The following NEK9 variants were observed in gnomAD, a reference collection of about 807,000 sequenced individuals.
NEK9 encodes NIMA related kinase 9.
Under a neutral mutation model 123.4 loss-of-function variants are expected in NEK9, and 75 were observed. The observed-to-expected ratio is 0.61, with a 90% CI of 0.50 to 0.74. The LOEUF is 0.74. Ranked by LOEUF, NEK9 falls within the 30% of genes least tolerant of loss-of-function variation. The pLI, the probability that NEK9 is intolerant of heterozygous loss-of-function variation, is 0.00. For missense variants in NEK9, 952 were observed against 1,214.4 expected, an observed-to-expected ratio of 0.78 and a Z score of 3.21; for synonymous variants, 438 against 458.7, an observed-to-expected ratio of 0.95 and a Z score of 0.58.
At chr14:75,124,267 C>A in intron 1 of NEK9, 44 bp from the exon 2 acceptor site, 11 of 1,574,812 alleles carry the variant, frequency 7.0e-6, no homozygotes, top group Non-Finnish European at 9.6e-6. Context: ...TCTTGCCTGG[C>A]AGCAAATGAA....
rs369505170 is a variant in NEK9, at chr14:75,121,233, G to A, written c.398-59C>T. 26 of 1,368,792 alleles carry A rather than the reference G, an allele frequency of 1.9e-5. No homozygotes were observed. The Middle Eastern group carries it at 1.3e-3, about 70-fold the overall frequency. The allele number at this position is 1,368,792 out of a possible 1,614,324, so 84.8% of individuals were successfully genotyped here. A position where few individuals can be genotyped will look rare whatever the true frequency, so the allele number is the denominator to read the frequency against. ...TAATACAGATCAAAGCTTGGCTCCTGTAACAGGTTTTTTTAGGTGACACAA... is the reference window on the plus strand; with the variant it reads ...TAATACAGATCAAAGCTTGGCTCCTATAACAGGTTTTTTTAGGTGACACAA... On this transcript the variant is annotated intron_variant, in intron 2 of 21. Coordinates refer to ENST00000238616, the MANE Select transcript of NEK9 (RefSeq NM_033116.6).
rs1894792013 is a variant in NEK9 at position 75,106,771 on chromosome 14, G to A, written c.1328-69C>T. On this transcript the variant is annotated intron_variant, in intron 11 of 21. Transcript: ENST00000238616. Reference sequence around the variant, plus strand: ...TTTTATCTAATCAGAAAGTTGGGCAGGGCTGGAATGAGGACTACCCCAGCA... The same window carrying A: ...TTTTATCTAATCAGAAAGTTGGGCAAGGCTGGAATGAGGACTACCCCAGCA... 2.3e-6 allele frequency: 3 copies of A among 1,294,002 alleles called. No individual in the cohort carries two copies. In the South Asian group the frequency reaches 4.1e-5, roughly 17 times the overall value. The allele number at this position is 1,294,002 out of a possible 1,614,324, so 80.2% of individuals were successfully genotyped here.
chr14:75,119,230 T>C (rs917997733), intron 4 of NEK9, among the ~76,000 whole-genome samples: 5 of 151,482 alleles, frequency 3.3e-5, no homozygotes, highest in African/African-American at 9.7e-5. Context: ...CGAGAATCAG[T>C]TGAGCCCAGG....
chr14:75,091,175 T>C (rs1010405141), intron 19 of NEK9, 95 bp downstream of exon 19: 1 of 1,006,804 alleles, frequency 9.9e-7, no homozygotes, highest in African/African-American at 1.6e-5. Flanking sequence ...AACAGTTTAC[T>C]AGGTACTTGG....
Position 75,091,468 on chromosome 14 carries a change from G to C in NEK9, c.2244C>G (p.Ser748Arg). 6.3e-7 allele frequency: 1 copy of C among 1,588,080 alleles called. No homozygotes were observed. Among genetic ancestry groups the C allele is most frequent in the African/African-American group, 1.3e-5 (1 of 74,512 alleles). The stretch of plus-strand genomic sequence containing the variant: ...CCCCGCCGCCTCCTCCCGGGCTAGA[G>C]CTCTGAAACACTGACAGATATACAG... ...SGLSIGTVFQ[S>R]SSPGGGGGGG... The change falls in exon 19 of 22, where the codon AGC (serine) becomes AGG (arginine). Residue 748 changes from serine to arginine, a missense_variant. By Grantham distance (110) the Ser-to-Arg change is moderately radical. Coordinates refer to ENST00000238616, the MANE Select transcript of NEK9 (RefSeq NM_033116.6).
chr14:75,100,489 G>A (rs974606513), intron 16 of NEK9, among the ~76,000 whole-genome samples: 9 of 152,120 alleles, frequency 5.9e-5, no homozygotes, highest in Non-Finnish European at 1.0e-4. Flanking sequence ...TCAGAGAAAA[G>A]AGAGGAGAAA....
At chr14:75,111,064 A>T (rs1260631049) in intron 8 of NEK9, among the ~76,000 whole-genome samples, 1 of 152,186 alleles carries the variant, frequency 6.6e-6, no homozygotes, top group Non-Finnish European at 1.5e-5. Context: ...ATTGCCAAAT[A>T]ACTCTTCCTT....
At chr14:75,124,364 T>A in intron 1 of NEK9, 141 bp from the exon 2 acceptor site, 1 of 650,516 alleles carries the variant, frequency 1.5e-6, no homozygotes, top group Non-Finnish European at 2.6e-6. Context: ...TAACAGACTT[T>A]AAAGGTTATG....
At position 75,085,572 on chromosome 14, in the gene NEK9, T is replaced by C. The variant is rs1282616273; in HGVS notation, c.2818-886A>G. 3.9e-5 allele frequency among the ~76,000 whole-genome samples: 6 copies of C among 152,208 alleles called. No individual in the cohort carries two copies. In the East Asian group the frequency reaches 1.2e-3, roughly 29 times the overall value. ...CTAAAAATGTTTAATGTGAATCTAA[T>C]CAAGCCTTAGGTTAAACTTCCAGTT... On this transcript the variant is annotated intron_variant, in intron 21 of 21. Coordinates refer to ENST00000238616, the MANE Select transcript of NEK9 (RefSeq NM_033116.6).
At chr14:75,124,816 T>C (rs1398286491) in intron 1 of NEK9, among the ~76,000 whole-genome samples, 3 of 151,292 alleles carry the variant, frequency 2.0e-5, no homozygotes, top group South Asian at 4.2e-4. Context: ...TCTCACTCTG[T>C]TGCCCAAACT....
chr14:75,093,863 G>C (rs1392371337), intron 18 of NEK9, among the ~76,000 whole-genome samples: 1 of 152,184 alleles, frequency 6.6e-6, no homozygotes. Flanking sequence ...CACTCCAATG[G>C]ATGGTTATAA....
chr14:75,086,516 T>C (rs1424045372), intron 21 of NEK9: 1 of 158,354 alleles, frequency 6.3e-6, no homozygotes, highest in Admixed American at 5.9e-5. Context: ...AAACATACAC[T>C]AAGAAAAAGC....
In NEK9 at chr14:75,118,822, A is replaced by C; in HGVS notation, c.630+8T>G. 1 of 1,471,556 alleles carries C rather than the reference A, an allele frequency of 6.8e-7. No homozygotes were observed. The highest frequency in any genetic ancestry group is 9.5e-7 in the Non-Finnish European group (1 of 1,050,850). The allele number at this position is 1,471,556 out of a possible 1,614,324, so 91.2% of individuals were successfully genotyped here. The stretch of plus-strand genomic sequence containing the variant: ...TAAAATAAAAATTAAGACAAGGGCA[A>C]CACATACCGTCTCAGCCATGGAATA... On this transcript the variant is annotated splice_region_variant and intron_variant, in intron 5 of 21. Coordinates refer to ENST00000238616, the MANE Select transcript of NEK9 (RefSeq NM_033116.6).
At chr14:75,090,788 G>T (rs1472718017) in intron 19 of NEK9, among the ~76,000 whole-genome samples, 1 of 151,996 alleles carries the variant, frequency 6.6e-6, no homozygotes, top group Non-Finnish European at 1.5e-5. Context: ...GCCCAAGCTG[G>T]TCTTGAGCTC....
chr14:75,098,754 C>T (rs1894469165), intron 16 of NEK9, among the ~76,000 whole-genome samples: 1 of 152,118 alleles, frequency 6.6e-6, no homozygotes, highest in African/African-American at 2.4e-5. Flanking sequence ...ATAGGAACAT[C>T]AAGAGGTAAT....
intron 1 of NEK9, among the ~76,000 whole-genome samples, chr14:75,124,775 CT>C (rs34921975): frequency 0.44 from 55,006 of 124,882 alleles, 12,582 homozygotes; most frequent in East Asian, 0.79. Flanking sequence ...TGTCTACTAT[CT>C]TTTTTTTTTT....
chr14:75,110,203 T>C (rs1894914452), intron 9 of NEK9, 118 bp downstream of exon 9: 2 of 741,912 alleles, frequency 2.7e-6, no homozygotes, highest in Admixed American at 5.3e-5. Context: ...TTTAAGCAGA[T>C]GCTGGCTCCT....
chr14:75,097,063 C>CA (rs1263537719), intron 17 of NEK9, 37 bp downstream of exon 17: 2 of 1,565,636 alleles, frequency 1.3e-6, no homozygotes, highest in Non-Finnish European at 1.7e-6. Context: ...CATCCTCTGT[C>CA]AAAGCCATCC....
intron 19 of NEK9, among the ~76,000 whole-genome samples, chr14:75,088,998 G>C (rs1056644521): frequency 1.3e-5 from 2 of 152,220 alleles, no homozygotes; most frequent in African/African-American, 4.8e-5. Context: ...AGAACAGCAT[G>C]CTGCTTCCTC....
Sources: gnomAD v4.1 joint callset for allele counts (sites outside exome capture counted in the v4.1 genomes callset) on GRCh38, gnomAD v4.1.1 for gene constraint, MANE v1.5 for transcripts, NCBI Gene and HGNC (gene_info 2026-07-23, HGNC 2026-07-21) for gene names.